The following HNMT variants were observed in gnomAD, a reference collection of about 807,000 sequenced individuals.
HNMT encodes the protein histamine N-methyltransferase.
HNMT carries 30 observed loss-of-function variants against 32.1 expected under a neutral mutation model. That is an observed-to-expected ratio of 0.93 (90% CI 0.70 to 1.27). The LOEUF is 1.27. HNMT is among the 50% of genes most tolerant of loss of function. The probability of loss-of-function intolerance (pLI) is 0.00; values close to 1 mark genes in which losing one functional copy is unlikely to be tolerated. For synonymous variants in HNMT, 125 were observed against 119.0 expected (o/e 1.05, Z -0.33); for missense variants, 327 against 346.0 (o/e 0.95, Z 0.43).
chr2:137,996,236 T>C (rs1431525505), intron 2 of HNMT, among the ~76,000 whole-genome samples: 1 of 152,234 alleles, frequency 6.6e-6, no homozygotes, highest in Non-Finnish European at 1.5e-5. Flanking sequence ...AAATTGTCTC[T>C]GTTTGTAGAC....
At chr2:137,969,344 C>T (rs1012724754) in intron 1 of HNMT, among the ~76,000 whole-genome samples, 1 of 152,164 alleles carries the variant, frequency 6.6e-6, no homozygotes, top group African/African-American at 2.4e-5. Flanking sequence ...TGATGATTCT[C>T]CAGAATACAT....
rs1573676442 is a variant in HNMT, at chr2:138,005,143, T to C, written c.441T>C (p.Tyr147=). 1 of 1,570,270 alleles carries C rather than the reference T, an allele frequency of 6.4e-7. No individual in the cohort carries two copies. The highest frequency in any genetic ancestry group is 2.2e-5 in the East Asian group (1 of 44,572). Residue 147 remains tyrosine (Y), a synonymous_variant, in exon 5 of 6, where the codon TAT becomes TAC. Coordinates refer to ENST00000280097, the MANE Select transcript of HNMT (RefSeq NM_006895.3). The stretch of plus-strand genomic sequence containing the variant: ...TTCCTCCTTTCTAGATGCTGTATTA[T>C]GTAAAAGACATCCCAGCTACCCTGA... ...DFIHMIQMLY[Y]VKDIPATLKF...
rs1274237923 is a variant in HNMT, at chr2:137,991,746, A to G, written c.191-9172A>G. 4 of 152,210 alleles carry G rather than the reference A, an allele frequency of 2.6e-5. No homozygotes were observed. The East Asian group carries it at 7.7e-4, about 29-fold the overall frequency. 9.4% of individuals were successfully genotyped at this position (152,210 alleles called of 1,614,324 possible). On this transcript the variant is annotated intron_variant, in intron 2 of 5. Transcript: ENST00000280097. Reference sequence around the variant, plus strand: ...TATTTATATAGCTAGATATAGAAGTAGATAATTGTATTATTTATTACATAT... The same window carrying G: ...TATTTATATAGCTAGATATAGAAGTGGATAATTGTATTATTTATTACATAT...
intron 4 of HNMT, among the ~76,000 whole-genome samples, chr2:138,004,241 A>G (rs1681268212): frequency 6.6e-6 from 1 of 152,064 alleles, no homozygotes; most frequent in South Asian, 2.1e-4. Context: ...CCTGTGGTGG[A>G]AAATGTGGAG....
chr2:138,006,698 T>G (rs1681340403), intron 5 of HNMT, among the ~76,000 whole-genome samples: 1 of 152,034 alleles, frequency 6.6e-6, no homozygotes, highest in African/African-American at 2.4e-5. Flanking sequence ...CCCAATGAAA[T>G]GTGTTGTATG....
At chr2:138,005,885 A>T (rs1681316344) in intron 5 of HNMT, among the ~76,000 whole-genome samples, 1 of 151,800 alleles carries the variant, frequency 6.6e-6, no homozygotes, top group African/African-American at 2.4e-5. Flanking sequence ...TTCATTCAGC[A>T]ATCTTTATGG....
chr2:138,005,343 C>A (rs1466707618), intron 5 of HNMT, 118 bp downstream of exon 5: 4 of 670,582 alleles, frequency 6.0e-6, no homozygotes, highest in Non-Finnish European at 1.1e-5. Context: ...TTGCCTTGGC[C>A]TCTAATCATA....
In HNMT at chr2:137,964,495, G is replaced by C; in HGVS notation, c.4G>C (p.Ala2Pro). Residue 2 changes from alanine to proline, a missense_variant, in exon 1 of 6, where the codon GCA (alanine) becomes CCA (proline). Transcript: ENST00000280097. M[A>P]SSMRSLFSDH... Reference sequence around the variant, plus strand: ...TGTCTTTCTCAGAAAACCAAATATGGCATCTTCCATGAGGAGCTTGTTTTC... The same window carrying C: ...TGTCTTTCTCAGAAAACCAAATATGCCATCTTCCATGAGGAGCTTGTTTTC... The C allele has an allele frequency of 6.2e-7, 1 of 1,612,588 alleles. No homozygotes were observed. Among genetic ancestry groups the C allele is most frequent in the Non-Finnish European group, 8.5e-7 (1 of 1,179,198 alleles).
intron 1 of HNMT, among the ~76,000 whole-genome samples, chr2:137,965,856 C>T (rs960739594): frequency 1.3e-5 from 2 of 152,116 alleles, no homozygotes; most frequent in African/African-American, 4.8e-5. Flanking sequence ...TGAAGAGGTA[C>T]CGTGGATGGA....
At position 137,980,041 on chromosome 2, in the gene HNMT, T is replaced by G. The variant is rs574582239; in HGVS notation, c.190+9824T>G. Among the ~76,000 whole-genome samples, 295 of 151,404 alleles carry G rather than the reference T, an allele frequency of 1.9e-3. 1 individual carries two copies. Among genetic ancestry groups the G allele is most frequent in the African/African-American group, 6.7e-3 (277 of 41,312 alleles). On this transcript the variant is annotated intron_variant, in intron 2 of 5. Transcript: ENST00000280097. ...ATTTTGATTCACCTGTAACAGGTTT[T>G]TTTTTTTTTTTTGAGACAGAGTCTC...
intron 2 of HNMT, among the ~76,000 whole-genome samples, chr2:137,987,601 C>CTTTTTTT (rs5834598): frequency 2.8e-5 from 2 of 70,238 alleles, no homozygotes; most frequent in Admixed American, 2.0e-4. Context: ...ACAATGGCCA[C>CTTTTTTT]TTTTTTTTTT....
At chr2:137,972,532 C>T (rs923586699) in intron 2 of HNMT, among the ~76,000 whole-genome samples, 1 of 151,844 alleles carries the variant, frequency 6.6e-6, no homozygotes, top group Non-Finnish European at 1.5e-5. Flanking sequence ...AAAATAGAAA[C>T]CAACAAAGAC....
intron 2 of HNMT, among the ~76,000 whole-genome samples, chr2:137,982,577 C>T (rs542824327): frequency 6.6e-6 from 1 of 152,204 alleles, no homozygotes; most frequent in African/African-American, 2.4e-5. Context: ...TCATTAACTT[C>T]CCAAATCAGA....
chr2:137,987,691 C>T (rs73961910), intron 2 of HNMT, among the ~76,000 whole-genome samples: 1,491 of 144,680 alleles, frequency 0.01, 29 homozygotes, highest in African/African-American at 0.037. Context: ...CCTCATATGC[C>T]TGCAAAGATT....
rs528912694 is a variant in HNMT, at chr2:137,997,434, G to A, written c.191-3484G>A. ...AACATATGAAAAAAAGCTCAATATC[G>A]CTGATCATCAGAGAAATGCAAATCA... On this transcript the variant is annotated intron_variant, in intron 2 of 5. Coordinates refer to ENST00000280097, the MANE Select transcript of HNMT (RefSeq NM_006895.3). Among the ~76,000 whole-genome samples the A allele has an allele frequency of 1.4e-3, 217 of 152,072 alleles. 3 individuals are homozygous for A. Among genetic ancestry groups the A allele is most frequent in the Middle Eastern group, 6.8e-3 (2 of 294 alleles).
At chr2:137,975,709 C>G (rs1432066304) in intron 2 of HNMT, among the ~76,000 whole-genome samples, 1 of 152,076 alleles carries the variant, frequency 6.6e-6, no homozygotes, top group Non-Finnish European at 1.5e-5. Flanking sequence ...ACTGGAAGAT[C>G]CAGTGTGTCA....
intron 2 of HNMT, among the ~76,000 whole-genome samples, chr2:137,979,264 T>TTTTA (rs929738997): frequency 4.7e-5 from 7 of 150,388 alleles, no homozygotes; most frequent in African/African-American, 1.5e-4. Context: ...AAATGTATAC[T>TTTTA]TTTATTTATT....
rs1175685436 is a variant in HNMT at position 138,014,832 on chromosome 2, C to G, written c.*702C>G. 4 of 151,806 alleles carry G rather than the reference C, an allele frequency of 2.6e-5. No homozygotes were observed. Among genetic ancestry groups the G allele is most frequent in the Admixed American group, 6.6e-5 (1 of 15,230 alleles). 9.4% of individuals were successfully genotyped at this position (151,806 alleles called of 1,614,324 possible). A position where few individuals can be genotyped will look rare whatever the true frequency, so the allele number is the denominator to read the frequency against. On this transcript the variant is annotated 3_prime_UTR_variant, in exon 6 of 6. Transcript: ENST00000280097. ...CTTCTAAAACCAAGGTTTTAGAATA[C>G]TAACATTTTATCAAAATAATATTAT...
At chr2:138,013,677 T>G (rs1355587490) in intron 5 of HNMT, 98 bp from the exon 6 acceptor site, 2 of 824,852 alleles carry the variant, frequency 2.4e-6, no homozygotes, top group African/African-American at 3.4e-5. Context: ...AGGACAAGAT[T>G]ATTATTTTGT....
Sources: gnomAD v4.1 joint callset for allele counts (sites outside exome capture counted in the v4.1 genomes callset) on GRCh38, gnomAD v4.1.1 for gene constraint, MANE v1.5 for transcripts, NCBI Gene and HGNC (gene_info 2026-07-23, HGNC 2026-07-21) for gene names.